Variants in UBN1 observed in about 807,000 individuals in gnomAD.
The protein encoded by UBN1 is ubinuclein 1.
A neutral mutation model predicts 108.5 loss-of-function variants in UBN1; 17 were observed. The ratio of observed to expected loss-of-function variants is 0.16; its 90% CI spans 0.11 to 0.24. UBN1 has a LOEUF of 0.24. UBN1 is among the 10% of genes least tolerant of loss of function. The pLI is 1.00. For synonymous variants in UBN1, 726 were observed against 564.2 expected, an observed-to-expected ratio of 1.29 and a Z score of -4.07; for missense variants, 1,595 against 1,394.4, an observed-to-expected ratio of 1.14 and a Z score of -2.29.
chr16:4,881,713 A>G lies in UBN1; in HGVS notation c.*1581A>G, dbSNP rs975182929. 6 of 152,254 alleles carry G rather than the reference A, an allele frequency of 3.9e-5. No individual in the cohort carries two copies. The highest frequency in any genetic ancestry group is 1.2e-4 in the African/African-American group (5 of 41,450). The allele number at this position is 152,254 out of a possible 1,614,324, so 9.4% of individuals were successfully genotyped here. A position where few individuals can be genotyped will look rare whatever the true frequency, so the allele number is the denominator to read the frequency against. ...ACATAAGAACCAATCCGTGTTTCAC[A>G]TTGGGCTAAGTGGATTCCTTATCCC... is the stretch of plus-strand genomic sequence containing the variant. On this transcript the variant is annotated 3_prime_UTR_variant, in exon 18 of 18. Transcript: ENST00000262376.
In UBN1 at chr16:4,877,047, G is replaced by A; in HGVS notation, c.3201G>A (p.Gly1067=). 1 of 1,614,152 alleles carries A rather than the reference G, an allele frequency of 6.2e-7. No individual in the cohort carries two copies. Among genetic ancestry groups the A allele is most frequent in the Non-Finnish European group, 8.5e-7 (1 of 1,180,032 alleles). Reference sequence around the variant, plus strand: ...GCGCTGACTCCTCTGCCAAAGCAGGGGTCTCCAAGGATGCCATCGTCACAG... The same window carrying A: ...GCGCTGACTCCTCTGCCAAAGCAGGAGTCTCCAAGGATGCCATCGTCACAG... The part of the protein sequence containing the change: ...SFSADSSAKA[G]VSKDAIVTGP... Residue 1067 remains glycine, a synonymous_variant, in exon 16 of 18, where the codon GGG becomes GGA. Transcript: ENST00000262376. This position sits in a 1 kb window ranked among gnomAD's most constrained non-coding sequence, Gnocchi z 4.3.
Position 4,857,977 on chromosome 16 carries a change from G to A in UBN1, c.250-13G>A, listed in dbSNP as rs781036501. ...TTTTCTGACTTATTTTTTGTGGAACGATCTCTTTACAGAAGAAAGATCTGT... is the reference window on the plus strand; with the variant it reads ...TTTTCTGACTTATTTTTTGTGGAACAATCTCTTTACAGAAGAAAGATCTGT... On this transcript the variant is annotated splice_polypyrimidine_tract_variant and intron_variant, in intron 2 of 17. Transcript: ENST00000262376. 5.7e-6 allele frequency: 9 copies of A among 1,589,054 alleles called. No homozygotes were observed. Among genetic ancestry groups the A allele is most frequent in the South Asian group, 2.3e-5 (2 of 88,726 alleles).
chr16:4,851,746 C>T (rs933480895), intron 1 of UBN1, among the ~76,000 whole-genome samples: 3 of 151,686 alleles, frequency 2.0e-5, no homozygotes, highest in African/African-American at 7.3e-5. Context: ...TTGCTTGAGC[C>T]TGGGAGGTTG....
chr16:4,868,264 C>G (rs2087432972), intron 7 of UBN1, among the ~76,000 whole-genome samples: 1 of 152,152 alleles, frequency 6.6e-6, no homozygotes, highest in African/African-American at 2.4e-5. Flanking sequence ...TACTGAAACT[C>G]CTATAATCTG....
At chr16:4,865,374 A>G (rs1247447827) in intron 7 of UBN1, among the ~76,000 whole-genome samples, 1 of 152,188 alleles carries the variant, frequency 6.6e-6, no homozygotes, top group Admixed American at 6.5e-5. Context: ...AATATTGTAC[A>G]AGTGGCTATC....
chr16:4,850,623 A>C (rs997687959), intron 1 of UBN1, among the ~76,000 whole-genome samples: 1 of 152,226 alleles, frequency 6.6e-6, no homozygotes, highest in Non-Finnish European at 1.5e-5. Context: ...TTGCAGCGCC[A>C]GCCTGTTACA....
intron 2 of UBN1, among the ~76,000 whole-genome samples, chr16:4,855,154 T>G (rs2086743330): frequency 6.6e-6 from 1 of 152,176 alleles, no homozygotes; most frequent in Non-Finnish European, 1.5e-5. Flanking sequence ...ATGAGGCTGG[T>G]AATTGGTTCA....
At chr16:4,868,550 T>A (rs1207333895) in intron 7 of UBN1, among the ~76,000 whole-genome samples, 2 of 152,246 alleles carry the variant, frequency 1.3e-5, no homozygotes, top group Non-Finnish European at 2.9e-5. Context: ...CTTATTGGCC[T>A]CTGGCTAAGT....
At chr16:4,864,884 C>T (rs1426117249) in intron 7 of UBN1, among the ~76,000 whole-genome samples, 2 of 152,204 alleles carry the variant, frequency 1.3e-5, no homozygotes, top group Non-Finnish European at 1.5e-5. Flanking sequence ...ACGAAAACAA[C>T]TTGTTTGATC....
In UBN1 at chr16:4,877,704, G is replaced by T. The variant is rs1596532372; in HGVS notation, c.3355+230G>T. The stretch of plus-strand genomic sequence containing the variant: ...TGCCGCCAGGTCAGCCTCAGCCTGT[G>T]TGATCACAGGGAAAGTTGCGGGGGG... On this transcript the variant is annotated intron_variant, in intron 17 of 17. Transcript: ENST00000262376. The surrounding 1 kb of genome is among the most constrained non-coding windows in gnomAD (Gnocchi z 4.3). The T allele has an allele frequency of 7.3e-6, 9 of 1,232,446 alleles. No homozygotes were observed. The highest frequency in any genetic ancestry group is 9.1e-6 in the Non-Finnish European group (9 of 987,438). The allele number at this position is 1,232,446 out of a possible 1,614,324, so 76.3% of individuals were successfully genotyped here.
rs35865064 is a variant in UBN1, at chr16:4,871,576, C to CTTTTTTT, written c.1706+297_1706+303dup. ...GCCTCCCATCTCAATATGCACTTTC[C>CTTTTTTT]TTTTTTTTTTTTTTTTTTTTTTTTT... On this transcript the variant is annotated intron_variant, in intron 12 of 17. Transcript: ENST00000262376. 1.5e-4 allele frequency among the ~76,000 whole-genome samples: 13 copies of CTTTTTTT among 88,424 alleles called. 1 individual carries two copies. The highest frequency in any genetic ancestry group is 2.1e-4 in the Non-Finnish European group (10 of 47,578). 58.0% of individuals were successfully genotyped at this position (88,424 alleles called of 152,430 possible).
chr16:4,877,706 G>C lies in UBN1; in HGVS notation c.3355+232G>C. 5 of 1,228,672 alleles carry C rather than the reference G, an allele frequency of 4.1e-6. No homozygotes were observed. Among genetic ancestry groups the C allele is most frequent in the Non-Finnish European group, 5.1e-6 (5 of 985,060 alleles). The allele number at this position is 1,228,672 out of a possible 1,614,324, so 76.1% of individuals were successfully genotyped here. A position where few individuals can be genotyped will look rare whatever the true frequency, so the allele number is the denominator to read the frequency against. ...CCGCCAGGTCAGCCTCAGCCTGTGT[G>C]ATCACAGGGAAAGTTGCGGGGGGCA... On this transcript the variant is annotated intron_variant, in intron 17 of 17. Coordinates refer to ENST00000262376, the MANE Select transcript of UBN1 (RefSeq NM_001079514.3). The surrounding 1 kb of genome is among the most constrained non-coding windows in gnomAD (Gnocchi z 4.3).
Position 4,858,022 on chromosome 16 carries a change from A to C in UBN1, c.282A>C (p.Glu94Asp), listed in dbSNP as rs1364108248. Residue 94 changes from glutamate to aspartate, a missense_variant, in exon 3 of 18, where the codon GAA (glutamate) becomes GAC (aspartate). Physicochemically the swap from Glu to Asp is conservative, Grantham distance 45 (BLOSUM62 2). Coordinates refer to ENST00000262376, the MANE Select transcript of UBN1 (RefSeq NM_001079514.3). ...KKDLSDPFND[E>D]EKERHKVEAL... Reference sequence around the variant, plus strand: ...ATCTGTCAGATCCTTTCAATGACGAAGAAAAGGAAAGGCATAAAGTAGAGG... The same window carrying C: ...ATCTGTCAGATCCTTTCAATGACGACGAAAAGGAAAGGCATAAAGTAGAGG... 1 of 1,613,352 alleles carries C rather than the reference A, an allele frequency of 6.2e-7. No homozygotes were observed. Among genetic ancestry groups the C allele is most frequent in the South Asian group, 1.1e-5 (1 of 91,004 alleles).
rs2088043538 is a variant in UBN1, at chr16:4,880,413, C to T, written c.*281C>T. 2.5e-6 allele frequency: 1 copy of T among 398,782 alleles called. No individual in the cohort carries two copies. Among genetic ancestry groups the T allele is most frequent in the Middle Eastern group, 7.4e-4 (1 of 1,344 alleles). The allele number at this position is 398,782 out of a possible 1,614,324, so 24.7% of individuals were successfully genotyped here. Reference sequence around the variant, plus strand: ...CTCTAGGCTGGGGCTTGCGCTGGGCCGTGGTGGGAGGCACAGTGTTTACAG... The same window carrying T: ...CTCTAGGCTGGGGCTTGCGCTGGGCTGTGGTGGGAGGCACAGTGTTTACAG... On this transcript the variant is annotated 3_prime_UTR_variant, in exon 18 of 18. Coordinates refer to ENST00000262376, the MANE Select transcript of UBN1 (RefSeq NM_001079514.3).
chr16:4,861,141 G>C (rs779525194), intron 7 of UBN1, 39 bp downstream of exon 7: 4 of 1,573,066 alleles, frequency 2.5e-6, no homozygotes, highest in Middle Eastern at 2.0e-4. Flanking sequence ...CCTGGAAGCA[G>C]TTTGGGCAGA....
rs780605686 is a variant in UBN1 at position 4,874,616 on chromosome 16, C to T, written c.2206C>T (p.Leu736Phe). The change falls in exon 15 of 18, where the codon CTC becomes TTC. Residue 736 changes from leucine to phenylalanine, a missense_variant. By Grantham distance (22) the Leu-to-Phe change is conservative. This residue lies in a region of UBN1 where 1,398 missense variants were observed against 1,194.7 expected (regional missense o/e 1.17). Coordinates refer to ENST00000262376, the MANE Select transcript of UBN1 (RefSeq NM_001079514.3). ...PPPASSLQSP[L>F]NFLAEQALAL... ...ACCAGCTAGCTCTCTGCAGTCACCCCTCAATTTTCTGGCAGAACAGGCTCT... is the reference window on the plus strand; with the variant it reads ...ACCAGCTAGCTCTCTGCAGTCACCCTTCAATTTTCTGGCAGAACAGGCTCT... 3 of 1,614,242 alleles carry T rather than the reference C, an allele frequency of 1.9e-6. No individual in the cohort carries two copies. Among genetic ancestry groups the T allele is most frequent in the South Asian group, 2.2e-5 (2 of 91,092 alleles).
At chr16:4,878,199 C>T (rs183487566) in intron 17 of UBN1, among the ~76,000 whole-genome samples, 1 of 152,178 alleles carries the variant, frequency 6.6e-6, no homozygotes, top group Non-Finnish European at 1.5e-5. Flanking sequence ...CACCCTATCC[C>T]GAGTCTGCGA....
At chr16:4,858,789 A>C (rs2086921273) in intron 4 of UBN1, 126 bp downstream of exon 4, 1 of 991,504 alleles carries the variant, frequency 1.0e-6, no homozygotes, top group Non-Finnish European at 1.5e-6. Context: ...CAGTAGCAGC[A>C]CTGATGAGAG....
Position 4,860,986 on chromosome 16 carries a change from A to G in UBN1, c.994A>G (p.Met332Val), listed in dbSNP as rs956117706. 7 of 1,614,104 alleles carry G rather than the reference A, an allele frequency of 4.3e-6. No homozygotes were observed. The highest frequency in any genetic ancestry group is 1.7e-5 in the Admixed American group (1 of 60,006). Residue 332 changes from methionine to valine, a missense_variant, in exon 7 of 18, where the codon ATG becomes GTG. By Grantham distance (21) the Met-to-Val change is conservative. Around this residue, in one of 3 missense-constraint regions of UBN1, gnomAD observed 1,398 missense variants for 1,194.7 expected, o/e 1.17. Transcript: ENST00000262376. ...TCCAGAAGGAAGTCCCTTCCGAGATATGGATGATGGAAGTGATTCCCTTGG... is the reference window on the plus strand; with the variant it reads ...TCCAGAAGGAAGTCCCTTCCGAGATGTGGATGATGGAAGTGATTCCCTTGG... The part of the protein sequence containing the change: ...ESPEGSPFRD[M>V]DDGSDSLGVG...
Sources: allele counts gnomAD v4.1 joint callset (sites outside exome capture counted in the v4.1 genomes callset), GRCh38; gene constraint gnomAD v4.1.1; regional missense constraint gnomAD v4.1.1; non-coding constraint Gnocchi (gnomAD v3.1); transcripts MANE v1.5; gene names NCBI Gene and HGNC (gene_info 2026-07-23, HGNC 2026-07-21).